Variants in CELF2 observed in about 807,000 individuals in gnomAD.
The protein encoded by CELF2 is CUG triplet repeat RNA-binding protein 2.
In CELF2, 8 loss-of-function variants were observed where a neutral mutation model predicts 62.6. That is an observed-to-expected ratio of 0.13 (90% CI 0.07 to 0.23). The LOEUF is 0.23. Among genes scored for constraint, CELF2 ranks in the 10% least tolerant of loss-of-function variants. The pLI, the probability that CELF2 is intolerant of heterozygous loss-of-function variation, is 1.00. For synonymous variants in CELF2, 258 were observed against 250.0 expected (o/e 1.03, Z -0.30); for missense variants, 333 against 671.0 (o/e 0.50, Z 5.56).
intron 1 of CELF2, among the ~76,000 whole-genome samples, chr10:10,831,313 G>A (rs531509272): frequency 7.9e-5 from 12 of 152,308 alleles, no homozygotes; most frequent in South Asian, 2.1e-4. Context: ...GCTGAAGGTC[G>A]TGACTCACAC....
chr10:10,743,021 T>C, the CELF2 span, among the ~76,000 whole-genome samples: 1 of 152,344 alleles, frequency 6.6e-6, no homozygotes, highest in East Asian at 1.9e-4. Flanking sequence ...TTCATTGACT[T>C]AACACTTTCT....
chr10:11,161,820 G>T (rs371439416), intron 1 of CELF2, among the ~76,000 whole-genome samples: 9 of 152,130 alleles, frequency 5.9e-5, no homozygotes, highest in African/African-American at 2.2e-4. Flanking sequence ...GATTTGGGGT[G>T]TCTATTCCTG....
At position 10,852,302 on chromosome 10, in the gene CELF2, G is replaced by A. The variant is rs1005829960; in HGVS notation, c.53+53485G>A. ...ATGGGTTTATGCAACAACTTGGATG[G>A]ATCTCAGGGGGATTATACTGAATGA... On this transcript the variant is annotated intron_variant, in intron 1 of 13. Transcript: ENST00000636488. Among the ~76,000 whole-genome samples, 6 of 152,304 alleles carry A rather than the reference G, an allele frequency of 3.9e-5. No homozygotes were observed. The East Asian group carries it at 9.6e-4, about 24-fold the overall frequency.
At chr10:11,096,096 G>A (rs1464591179) in intron 1 of CELF2, among the ~76,000 whole-genome samples, 1 of 152,136 alleles carries the variant, frequency 6.6e-6, no homozygotes, top group African/African-American at 2.4e-5. Context: ...ATGTTGACCT[G>A]CATTTATTTG....
chr10:10,519,454 G>A, the CELF2 span, among the ~76,000 whole-genome samples: 2 of 152,122 alleles, frequency 1.3e-5, no homozygotes, highest in Non-Finnish European at 2.9e-5. Flanking sequence ...TAATATTAAA[G>A]ATAACATTAT....
At chr10:11,025,376 T>G (rs1952678) in intron 1 of CELF2, among the ~76,000 whole-genome samples, 114,472 of 151,890 alleles carry the variant, frequency 0.75, 47,030 homozygotes, top group East Asian at 0.9. Context: ...GTGGAGGTAA[T>G]TGAATTATAG....
intron 1 of CELF2, among the ~76,000 whole-genome samples, chr10:10,850,155 A>T (rs1008330714): frequency 4.0e-5 from 6 of 151,834 alleles, no homozygotes; most frequent in East Asian, 1.9e-4. Context: ...TCTCAAAAAT[A>T]AAAAAATTAA....
intron 1 of CELF2, among the ~76,000 whole-genome samples, chr10:10,913,055 A>G (rs1199258054): frequency 1.3e-5 from 2 of 152,206 alleles, no homozygotes; most frequent in Admixed American, 6.5e-5. Flanking sequence ...TGTGTGTGCA[A>G]TTGTAGATTT....
At chr10:10,753,847 A>G in the CELF2 span, among the ~76,000 whole-genome samples, 1 of 152,194 alleles carries the variant, frequency 6.6e-6, no homozygotes, top group Non-Finnish European at 1.5e-5. Context: ...AGCAAAACCC[A>G]TGACATCTAG....
chr10:10,585,825 G>A, the CELF2 span, among the ~76,000 whole-genome samples: 10 of 152,122 alleles, frequency 6.6e-5, no homozygotes, highest in South Asian at 1.9e-3. Context: ...TCAGTTGCTG[G>A]GTAAATACCA....
intron 1 of CELF2, among the ~76,000 whole-genome samples, chr10:11,116,380 C>G (rs1258839807): frequency 6.6e-6 from 1 of 152,196 alleles, no homozygotes; most frequent in Non-Finnish European, 1.5e-5. Context: ...TTAACATGGT[C>G]AAGAAGCCTG....
the CELF2 span, among the ~76,000 whole-genome samples, chr10:10,748,276 A>G: frequency 1.6e-4 from 25 of 152,228 alleles, no homozygotes; most frequent in Admixed American, 3.9e-4. Context: ...GAGGTGATGG[A>G]TACCTTAATA....
At chr10:11,101,061 A>C (rs1030983817) in intron 1 of CELF2, among the ~76,000 whole-genome samples, 2 of 152,174 alleles carry the variant, frequency 1.3e-5, no homozygotes, top group African/African-American at 4.8e-5. Context: ...TGTTTGAGAG[A>C]GATTTAGAAG....
At chr10:10,484,141 C>A in the CELF2 span, among the ~76,000 whole-genome samples, 1 of 12,422 alleles carries the variant, frequency 8.1e-5, no homozygotes, top group Non-Finnish European at 1.7e-4. Context: ...CTCTCTCCCT[C>A]CCTCCCTCCC....
chr10:10,993,471 G>T lies in CELF2; in HGVS notation c.89+73472G>T, dbSNP rs201106. 6.6e-6 allele frequency among the ~76,000 whole-genome samples: 1 copy of T among 151,970 alleles called. No homozygotes were observed. Among genetic ancestry groups the T allele is most frequent in the African/African-American group, 2.4e-5 (1 of 41,312 alleles). The stretch of plus-strand genomic sequence containing the variant: ...GCCAATTTAGGCAGACACCAAGCAT[G>T]AGAAAGGCAAGCCTCAGGAATATGG... On this transcript the variant is annotated intron_variant, in intron 2 of 13. Coordinates refer to the CELF2 transcript ENST00000636488. The surrounding 1 kb of genome is among the most constrained non-coding windows in gnomAD (Gnocchi z 5.3).
rs748170548 is a variant in CELF2, at chr10:11,333,831, T to G, written c.*4778T>G. The G allele has an allele frequency of 6.6e-6, 1 of 152,544 alleles. No individual in the cohort carries two copies. The highest frequency in any genetic ancestry group is 2.4e-5 in the African/African-American group (1 of 41,446). 9.4% of individuals were successfully genotyped at this position (152,544 alleles called of 1,614,324 possible). A position where few individuals can be genotyped will look rare whatever the true frequency, so the allele number is the denominator to read the frequency against. Reference sequence around the variant, plus strand: ...AAAAAAAAATACGCAGGCTTTCCTATTTCTACAACTGATTGTACTTATGCA... The same window carrying G: ...AAAAAAAAATACGCAGGCTTTCCTAGTTCTACAACTGATTGTACTTATGCA... On this transcript the variant is annotated 3_prime_UTR_variant, in exon 13 of 13. Transcript: ENST00000633077.
At chr10:11,015,604 A>G (rs2057145386), upstream of CELF2, among the ~76,000 whole-genome samples, 1 of 152,194 alleles carries the variant, frequency 6.6e-6, no homozygotes, top group Non-Finnish European at 1.5e-5. This position sits in a 1 kb window ranked among gnomAD's most constrained non-coding sequence, Gnocchi z 4.8. Flanking sequence ...GGTTTTGCTT[A>G]TATCTTTAAA....
chr10:10,987,615 T>C (rs1171877631), intron 2 of CELF2, among the ~76,000 whole-genome samples: 1 of 152,172 alleles, frequency 6.6e-6, no homozygotes, highest in Non-Finnish European at 1.5e-5. Context: ...CCACAATCAA[T>C]TGTGGTTTGT....
At chr10:10,809,280 A>G (rs2055589967) in intron 1 of CELF2, among the ~76,000 whole-genome samples, 1 of 152,182 alleles carries the variant, frequency 6.6e-6, no homozygotes, top group Non-Finnish European at 1.5e-5. Context: ...GAAAGCCCTC[A>G]TTAGAACCAT....
Sources: gnomAD v4.1 joint callset for allele counts (sites outside exome capture counted in the v4.1 genomes callset) on GRCh38, gnomAD v4.1.1 for gene constraint, Gnocchi (gnomAD v3.1) non-coding constraint, MANE v1.5 for transcripts, NCBI Gene and HGNC (gene_info 2026-07-23, HGNC 2026-07-21) for gene names.